Variants in NEGR1 observed in about 807,000 individuals in gnomAD.
NEGR1 encodes the protein neuronal growth regulator 1, also known as IgLON family member 4.
NEGR1 carries 10 observed loss-of-function variants against 40.9 expected under a neutral mutation model. That is an observed-to-expected ratio of 0.24 (90% confidence interval 0.15 to 0.42). The LOEUF is 0.42. NEGR1 is among the 10% of genes least tolerant of loss of function. The pLI is 1.00. For missense variants in NEGR1, 352 were observed against 438.9 expected, an observed-to-expected ratio of 0.80 and a Z score of 1.77; for synonymous variants, 185 against 166.8, an observed-to-expected ratio of 1.11 and a Z score of -0.84.
At chr1:72,236,995 C>G (rs906265991) in intron 1 of NEGR1, among the ~76,000 whole-genome samples, 1 of 151,790 alleles carries the variant, frequency 6.6e-6, no homozygotes, top group Non-Finnish European at 1.5e-5. Context: ...AAAATACATT[C>G]TTGAGTTTAA....
At chr1:71,792,200 T>G (rs1311483790) in intron 2 of NEGR1, among the ~76,000 whole-genome samples, 1 of 152,128 alleles carries the variant, frequency 6.6e-6, no homozygotes, top group Admixed American at 6.6e-5. Flanking sequence ...ATTAATATCT[T>G]TGTGGGAGGG....
At chr1:72,146,415 G>A (rs1008111462) in intron 1 of NEGR1, among the ~76,000 whole-genome samples, 3 of 152,118 alleles carry the variant, frequency 2.0e-5, no homozygotes, top group African/African-American at 7.2e-5. Context: ...ATGAGTAAGT[G>A]TAAGAAAATG....
chr1:72,048,959 AC>A (rs1483286185), intron 1 of NEGR1, among the ~76,000 whole-genome samples: 1 of 151,646 alleles, frequency 6.6e-6, no homozygotes, highest in African/African-American at 2.4e-5. Flanking sequence ...TCAGAAATAT[AC>A]AAAAAGTTAT....
intron 6 of NEGR1, among the ~76,000 whole-genome samples, chr1:71,414,358 C>T (rs766998239): frequency 6.6e-6 from 1 of 152,102 alleles, no homozygotes; most frequent in African/African-American, 2.4e-5. Flanking sequence ...AGGAGATATC[C>T]GGAGGCTCAG....
chr1:72,268,133 C>T (rs1655713937), intron 1 of NEGR1, among the ~76,000 whole-genome samples: 1 of 151,172 alleles, frequency 6.6e-6, no homozygotes, highest in Admixed American at 6.6e-5. Flanking sequence ...ACAGAATACA[C>T]CAAATACAAT....
intron 1 of NEGR1, among the ~76,000 whole-genome samples, chr1:72,258,817 T>C (rs1235346091): frequency 6.6e-6 from 1 of 152,120 alleles, no homozygotes; most frequent in African/African-American, 2.4e-5. Context: ...AATTCACCAA[T>C]TGCTTTTTTA....
chr1:71,689,874 A>C lies in NEGR1; in HGVS notation c.667+8134T>G, dbSNP rs527663182. On this transcript the variant is annotated intron_variant, in intron 4 of 6. Coordinates refer to ENST00000357731, the MANE Select transcript of NEGR1 (RefSeq NM_173808.3). ...TTAACATTAAATAAATGTAAGTAAAATAACAGTAAATATCATTAACAGATA... is the reference window on the plus strand; with the variant it reads ...TTAACATTAAATAAATGTAAGTAAACTAACAGTAAATATCATTAACAGATA... Among the ~76,000 whole-genome samples the C allele has an allele frequency of 9.4e-4, 142 of 151,852 alleles. 1 individual carries two copies. Among genetic ancestry groups the C allele is most frequent in the African/African-American group, 3.3e-3 (139 of 41,494 alleles).
At chr1:72,141,360 A>G (rs1650669881) in intron 1 of NEGR1, among the ~76,000 whole-genome samples, 1 of 152,072 alleles carries the variant, frequency 6.6e-6, no homozygotes, top group Admixed American at 6.6e-5. Flanking sequence ...TTTTCCAGTC[A>G]TGACATGGTA....
intron 1 of NEGR1, chr1:72,275,177 G>A: frequency 6.5e-6 from 4 of 612,574 alleles, no homozygotes; most frequent in South Asian, 2.0e-5. Context: ...AAATTAAAAT[G>A]ACAAAGAAAA....
chr1:72,146,012 C>T (rs1176769080), intron 1 of NEGR1, among the ~76,000 whole-genome samples: 2 of 6,432 alleles, frequency 3.1e-4, no homozygotes, highest in African/African-American at 4.0e-4. Flanking sequence ...TTTTCACATG[C>T]TGTGTATTTC....
chr1:71,922,181 A>G (rs910261863), intron 2 of NEGR1, among the ~76,000 whole-genome samples: 1 of 152,150 alleles, frequency 6.6e-6, no homozygotes, highest in Admixed American at 6.5e-5. Flanking sequence ...GTCCAGCTGA[A>G]CCTGGAGCCA....
chr1:71,984,470 CAT>C (rs1383181149), intron 1 of NEGR1, among the ~76,000 whole-genome samples: 18 of 151,940 alleles, frequency 1.2e-4, no homozygotes, highest in Non-Finnish European at 2.1e-4. Context: ...AAAACTAACA[CAT>C]GTCTAGTATG....
At chr1:71,927,439 T>A (rs1645784998) in intron 2 of NEGR1, among the ~76,000 whole-genome samples, 1 of 152,110 alleles carries the variant, frequency 6.6e-6, no homozygotes, top group South Asian at 2.1e-4. Context: ...TCTGTGAAGG[T>A]ACATTTGGGA....
chr1:72,037,237 G>A (rs1646911302), intron 1 of NEGR1, among the ~76,000 whole-genome samples: 1 of 152,114 alleles, frequency 6.6e-6, no homozygotes. Flanking sequence ...TAGATATTTA[G>A]TAGAAAAATT....
rs527253615 is a variant in NEGR1, at chr1:71,718,384, T to C, written c.536-20245A>G. Among the ~76,000 whole-genome samples the C allele has an allele frequency of 1.8e-3, 279 of 152,320 alleles. 2 individuals carry two copies. Among genetic ancestry groups the C allele is most frequent in the African/African-American group, 6.5e-3 (272 of 41,588 alleles). The stretch of plus-strand genomic sequence containing the variant: ...CCTGTTCCCCCTTTGCCTTCTGCCA[T>C]GATTGAAAGTTCCTTGAGCCTTCAC... On this transcript the variant is annotated intron_variant, in intron 3 of 6. Coordinates refer to ENST00000357731, the MANE Select transcript of NEGR1 (RefSeq NM_173808.3).
At chr1:71,575,689 A>G (rs1381382722) in intron 6 of NEGR1, among the ~76,000 whole-genome samples, 1 of 152,134 alleles carries the variant, frequency 6.6e-6, no homozygotes, top group African/African-American at 2.4e-5. Flanking sequence ...AGGCCGAGGC[A>G]GGAGAATGGC....
At chr1:71,417,755 T>C (rs980510733) in intron 6 of NEGR1, among the ~76,000 whole-genome samples, 3 of 152,186 alleles carry the variant, frequency 2.0e-5, no homozygotes, top group Non-Finnish European at 4.4e-5. Flanking sequence ...CTAAGTGAAG[T>C]GTTTATTGAA....
intron 6 of NEGR1, among the ~76,000 whole-genome samples, chr1:71,575,132 G>A (rs1648922625): frequency 6.6e-6 from 1 of 152,180 alleles, no homozygotes; most frequent in African/African-American, 2.4e-5. Context: ...TCTACAGAGA[G>A]AGGAAGGAAT....
At chr1:72,274,601 T>C in intron 1 of NEGR1, 1 of 787,932 alleles carries the variant, frequency 1.3e-6, no homozygotes, top group Non-Finnish European at 2.3e-6. Context: ...AGCCCATACC[T>C]TTAACCACTC....
Sources: gnomAD v4.1 joint callset for allele counts (sites outside exome capture counted in the v4.1 genomes callset) on GRCh38, gnomAD v4.1.1 for gene constraint, MANE v1.5 for transcripts, NCBI Gene and HGNC (gene_info 2026-07-23, HGNC 2026-07-21) for gene names.